INPP5A: variants seen among roughly 807,000 people sequenced by gnomAD.
INPP5A encodes 43 kDa inositol polyphosphate 5-phophatase.
INPP5A carries 14 observed loss-of-function variants against 65.2 expected under a neutral mutation model. That is an observed-to-expected ratio of 0.21 (90% CI 0.14 to 0.34). The LOEUF (loss-of-function observed/expected upper bound fraction) is 0.34, where lower values mean the gene tolerates loss of function less well. Ranked by LOEUF, INPP5A falls within the 10% of genes least tolerant of loss-of-function variation. The pLI, the probability that INPP5A is intolerant of heterozygous loss-of-function variation, is 1.00. For synonymous variants in INPP5A, 207 were observed against 208.3 expected (o/e 0.99, Z 0.05); for missense variants, 431 against 545.6 (o/e 0.79, Z 2.09).
intron 9 of INPP5A, among the ~76,000 whole-genome samples, chr10:132,737,196 A>G (rs12783478): frequency 0.21 from 32,610 of 152,192 alleles, 3,676 homozygotes; most frequent in Non-Finnish European, 0.26. Flanking sequence ...TCCCACAGCC[A>G]TGAGCGGACT....
intron 1 of INPP5A, among the ~76,000 whole-genome samples, chr10:132,593,383 G>A (rs1385014827): frequency 6.6e-6 from 1 of 152,168 alleles, no homozygotes; most frequent in Non-Finnish European, 1.5e-5. Context: ...TTTAATTGAA[G>A]AACTTTTCAG....
rs1845357538 is a variant in INPP5A, at chr10:132,697,138, TG to T, written c.371-676del. Among the ~76,000 whole-genome samples the T allele has an allele frequency of 6.6e-6, 1 of 152,250 alleles. No individual in the cohort carries two copies. The highest frequency in any genetic ancestry group is 6.5e-5 in the Admixed American group (1 of 15,282). On this transcript the variant is annotated intron_variant, in intron 5 of 15. Transcript: ENST00000368594. The surrounding 1 kb of genome is among the most constrained non-coding windows in gnomAD (Gnocchi z 5.6). ...AAGAGGCCAGCAGCCACCTGCCCAC[TG>T]GACCCAGCAGGAGTTTGAGGAATGG...
At chr10:132,735,292 T>C (rs1226485478) in intron 9 of INPP5A, among the ~76,000 whole-genome samples, 1 of 152,158 alleles carries the variant, frequency 6.6e-6, no homozygotes, top group African/African-American at 2.4e-5. Flanking sequence ...CTGGGGTGGT[T>C]TTCAGATTGC....
chr10:132,620,358 T>G (rs1195074820), intron 2 of INPP5A, among the ~76,000 whole-genome samples: 2 of 152,228 alleles, frequency 1.3e-5, no homozygotes, highest in African/African-American at 4.8e-5. Flanking sequence ...TTTTCAAACT[T>G]TTGTGCTCTG....
intron 1 of INPP5A, among the ~76,000 whole-genome samples, chr10:132,595,263 C>T (rs1008790167): frequency 1.3e-5 from 2 of 152,206 alleles, no homozygotes; most frequent in Non-Finnish European, 2.9e-5. Flanking sequence ...TGCAGGGCCA[C>T]GTCTGCAGGT....
At chr10:132,585,944 C>G (rs2071540005) in intron 1 of INPP5A, among the ~76,000 whole-genome samples, 1 of 152,202 alleles carries the variant, frequency 6.6e-6, no homozygotes, top group African/African-American at 2.4e-5. Context: ...CTGTGTGTGT[C>G]TGGGCTTCCC....
chr10:132,690,730 C>T (rs1397397601), intron 5 of INPP5A, among the ~76,000 whole-genome samples: 1 of 152,138 alleles, frequency 6.6e-6, no homozygotes, highest in Admixed American at 6.5e-5. Context: ...TGTTCCCATC[C>T]AGTGTGAGAA....
intron 1 of INPP5A, among the ~76,000 whole-genome samples, chr10:132,584,022 G>A (rs1422980238): frequency 1.3e-5 from 2 of 152,240 alleles, no homozygotes; most frequent in African/African-American, 4.8e-5. Flanking sequence ...GGTAGAGGCT[G>A]CAGTGAACTG....
chr10:132,774,602 G>C (rs745825480), intron 12 of INPP5A, among the ~76,000 whole-genome samples: 6 of 152,142 alleles, frequency 3.9e-5, no homozygotes, highest in Non-Finnish European at 5.9e-5. Context: ...TGTGCCGTCA[G>C]CCCTGCCCCA....
At chr10:132,606,449 C>T (rs978647293) in intron 1 of INPP5A, among the ~76,000 whole-genome samples, 33 of 152,182 alleles carry the variant, frequency 2.2e-4, no homozygotes, top group South Asian at 6.2e-4. Flanking sequence ...TGCTCAGAGC[C>T]GCAGTGGGCG....
At chr10:132,604,363 C>T (rs906756962) in intron 1 of INPP5A, among the ~76,000 whole-genome samples, 2 of 152,166 alleles carry the variant, frequency 1.3e-5, no homozygotes, top group Non-Finnish European at 2.9e-5. Context: ...CTGCCCTGTG[C>T]TGTCAGGGTC....
chr10:132,681,884 C>G (rs758957775), intron 4 of INPP5A, among the ~76,000 whole-genome samples: 4 of 152,218 alleles, frequency 2.6e-5, no homozygotes, highest in Non-Finnish European at 4.4e-5. Context: ...CTGGCAAGCA[C>G]TACAACATGG....
At chr10:132,683,001 GTGT>G (rs2073068291) in intron 4 of INPP5A, among the ~76,000 whole-genome samples, 1 of 151,302 alleles carries the variant, frequency 6.6e-6, no homozygotes, top group South Asian at 2.1e-4. Flanking sequence ...GTACACGTGT[GTGT>G]TATCCTATGT....
chr10:132,682,122 G>A (rs932853618), intron 4 of INPP5A, among the ~76,000 whole-genome samples: 3 of 149,656 alleles, frequency 2.0e-5, no homozygotes, highest in African/African-American at 4.9e-5. Flanking sequence ...GGTGGACAGC[G>A]TCCTGGAGGT....
At chr10:132,636,213 G>C (rs563192130) in intron 2 of INPP5A, among the ~76,000 whole-genome samples, 4 of 150,330 alleles carry the variant, frequency 2.7e-5, no homozygotes, top group African/African-American at 9.8e-5. Flanking sequence ...ACACATATAT[G>C]CAATGTAATA....
intron 3 of INPP5A, among the ~76,000 whole-genome samples, chr10:132,647,569 A>T (rs752057187): frequency 6.6e-6 from 1 of 152,232 alleles, no homozygotes; most frequent in Non-Finnish European, 1.5e-5. Flanking sequence ...CTCGACCCCA[A>T]GGCTCATTCC....
At chr10:132,612,764 T>G (rs1379140155) in intron 2 of INPP5A, among the ~76,000 whole-genome samples, 4 of 152,218 alleles carry the variant, frequency 2.6e-5, no homozygotes, top group African/African-American at 9.6e-5. Flanking sequence ...GTGTTACATT[T>G]TGGCAGCAAC....
chr10:132,561,763 A>ACAC lies in INPP5A; in HGVS notation c.75+23593_75+23594insACC, dbSNP rs1564916631. On this transcript the variant is annotated intron_variant, in intron 1 of 15. Coordinates refer to ENST00000368594, the MANE Select transcript of INPP5A (RefSeq NM_005539.5). ...ACACACACACACACACACACACACA[A>ACAC]CCCTGCTGGAATTTACACACACCAC... is the stretch of plus-strand genomic sequence containing the variant. Among the ~76,000 whole-genome samples the ACAC allele has an allele frequency of 2.5e-4, 26 of 102,566 alleles. No individual in the cohort carries two copies. The East Asian group carries it at 7.1e-3, about 28-fold the overall frequency. The allele number at this position is 102,566 out of a possible 152,430, so 67.3% of individuals were successfully genotyped here. A position where few individuals can be genotyped will look rare whatever the true frequency, so the allele number is the denominator to read the frequency against.
intron 12 of INPP5A, among the ~76,000 whole-genome samples, chr10:132,771,364 C>A (rs1476836352): frequency 6.6e-6 from 1 of 152,250 alleles, no homozygotes; most frequent in African/African-American, 2.4e-5. Flanking sequence ...CTGGGAGAGA[C>A]CCTGCCCAGC....
Sources: allele counts gnomAD v4.1 joint callset (sites outside exome capture counted in the v4.1 genomes callset), GRCh38; gene constraint gnomAD v4.1.1; non-coding constraint Gnocchi (gnomAD v3.1); transcripts MANE v1.5; gene names NCBI Gene and HGNC (gene_info 2026-07-23, HGNC 2026-07-21).